Variants in ATE1 observed in about 807,000 individuals in gnomAD.
ATE1 encodes the protein arginyl-tRNA--protein transferase 1.
Under a neutral mutation model 70.5 loss-of-function variants are expected in ATE1, and 36 were observed. The ratio of observed to expected loss-of-function variants is 0.51; its 90% CI spans 0.39 to 0.67. The LOEUF is 0.67. Among genes scored for constraint, ATE1 ranks in the 30% least tolerant of loss-of-function variants. The pLI is 0.00. For missense variants in ATE1, 593 were observed against 629.5 expected, an observed-to-expected ratio of 0.94 and a Z score of 0.62; for synonymous variants, 232 against 219.3, an observed-to-expected ratio of 1.06 and a Z score of -0.51.
chr10:121,887,429 G>A (rs1950438602), intron 7 of ATE1, among the ~76,000 whole-genome samples: 2 of 152,142 alleles, frequency 1.3e-5, no homozygotes, highest in African/African-American at 4.8e-5. Flanking sequence ...AACATTACAG[G>A]CTGGGCACAA....
intron 7 of ATE1, among the ~76,000 whole-genome samples, chr10:121,889,425 T>C (rs1375695783): frequency 6.6e-6 from 1 of 152,126 alleles, no homozygotes; most frequent in Non-Finnish European, 1.5e-5. Flanking sequence ...AGAACAGTCA[T>C]AAACATAACA....
At chr10:121,902,684 C>A in intron 5 of ATE1, 64 bp from the exon 6 acceptor site, 2 of 1,449,428 alleles carry the variant, frequency 1.4e-6, no homozygotes, top group South Asian at 2.6e-5. Flanking sequence ...TTTCACATGT[C>A]TCAAAGATTC....
At chr10:121,897,922 C>T (rs536081002) in intron 7 of ATE1, among the ~76,000 whole-genome samples, 1 of 152,134 alleles carries the variant, frequency 6.6e-6, no homozygotes, top group African/African-American at 2.4e-5. Context: ...ACACTTTAAC[C>T]AGAAGACTCT....
At chr10:121,791,847 C>T (rs1206902393) in intron 10 of ATE1, among the ~76,000 whole-genome samples, 1 of 152,146 alleles carries the variant, frequency 6.6e-6, no homozygotes, top group African/African-American at 2.4e-5. Context: ...TGAGTTACAC[C>T]ATAGAGTTTG....
At chr10:121,811,577 C>T (rs1488436359) in intron 10 of ATE1, among the ~76,000 whole-genome samples, 2 of 152,160 alleles carry the variant, frequency 1.3e-5, no homozygotes, top group East Asian at 1.9e-4. Context: ...GGGAATGTGA[C>T]GTTTCCAAAG....
intron 10 of ATE1, among the ~76,000 whole-genome samples, chr10:121,806,106 A>G (rs189837599): frequency 6.4e-4 from 98 of 152,344 alleles, no homozygotes; most frequent in African/African-American, 2.1e-3. Flanking sequence ...AAACTCTTCA[A>G]AACTGTTGAT....
chr10:121,798,941 T>C (rs1946767570), intron 10 of ATE1, among the ~76,000 whole-genome samples: 1 of 130,590 alleles, frequency 7.7e-6, no homozygotes, highest in East Asian at 2.2e-4. Context: ...ACATTACTTC[T>C]ACTGTATAGA....
chr10:121,819,141 G>A (rs1421721502), intron 10 of ATE1, among the ~76,000 whole-genome samples: 4 of 152,250 alleles, frequency 2.6e-5, no homozygotes, highest in East Asian at 1.9e-4. Context: ...TCATTAACTT[G>A]AAAATCACAC....
intron 10 of ATE1, among the ~76,000 whole-genome samples, chr10:121,831,540 C>G (rs1451053725): frequency 6.6e-6 from 1 of 152,128 alleles, no homozygotes; most frequent in Non-Finnish European, 1.5e-5. Flanking sequence ...TTCCTCCTGT[C>G]CTTTCTTTTG....
At chr10:121,766,712 C>CA (rs746584054) in intron 11 of ATE1, among the ~76,000 whole-genome samples, 41 of 152,150 alleles carry the variant, frequency 2.7e-4, no homozygotes, top group Non-Finnish European at 4.7e-4. Context: ...ACAATAATCT[C>CA]AAAAAACACA....
chr10:121,924,907 C>A (rs546019895), intron 1 of ATE1, among the ~76,000 whole-genome samples: 6 of 152,110 alleles, frequency 3.9e-5, no homozygotes, highest in Non-Finnish European at 8.8e-5. Context: ...TCTATGACAG[C>A]ATAAATTTAA....
chr10:121,866,451 C>G (rs1405918053), intron 8 of ATE1, among the ~76,000 whole-genome samples: 2 of 152,148 alleles, frequency 1.3e-5, no homozygotes, highest in Non-Finnish European at 2.9e-5. Context: ...CAGAAACAGA[C>G]AGAAATTATC....
In ATE1 at chr10:121,902,855, C is replaced by G. The variant is rs561190261; in HGVS notation, c.584-235G>C. On this transcript the variant is annotated intron_variant, in intron 5 of 11. Coordinates refer to ENST00000224652, the MANE Select transcript of ATE1 (RefSeq NM_001001976.3). ...CAGAAACTTTCCAAGGTGGCTCTTA[C>G]TGCTGAAAATCTTTTTTTTCTTTTT... Among the ~76,000 whole-genome samples, 423 of 152,132 alleles carry G rather than the reference C, an allele frequency of 2.8e-3. 3 individuals carry two copies. The highest frequency in any genetic ancestry group is 4.9e-3 in the Non-Finnish European group (331 of 67,992).
At position 121,841,111 on chromosome 10, in the gene ATE1, A is replaced by C; in HGVS notation, c.1128T>G (p.Phe376Leu). Residue 376 changes from phenylalanine (F) to leucine (L), a missense_variant, in exon 9 of 12, where the codon TTT becomes TTG. Physicochemically the swap from Phe to Leu is conservative, Grantham distance 22. This residue lies in a region of ATE1 where 467 missense variants were observed against 469.6 expected (regional missense o/e 0.99). Transcript: ENST00000224652. ...GTGCAGAGTAGACGCCCAAAGACAA[A>C]AACGAATAATCAGGATCGTAGTACA... The part of the protein sequence containing the change: ...VYLYYDPDYS[F>L]LSLGVYSALR... The C allele has an allele frequency of 6.4e-7, 1 of 1,574,770 alleles. No individual in the cohort carries two copies. Among genetic ancestry groups the C allele is most frequent in the Non-Finnish European group, 8.6e-7 (1 of 1,156,280 alleles).
chr10:121,791,699 A>G (rs903772895), intron 10 of ATE1, among the ~76,000 whole-genome samples: 1 of 152,210 alleles, frequency 6.6e-6, no homozygotes, highest in African/African-American at 2.4e-5. Context: ...CAGCCTAGTA[A>G]ACATATTTGC....
At chr10:121,837,316 C>T (rs755018132) in intron 9 of ATE1, among the ~76,000 whole-genome samples, 7 of 152,188 alleles carry the variant, frequency 4.6e-5, no homozygotes, top group Non-Finnish European at 8.8e-5. Context: ...TTTATTTCCC[C>T]TAAAACTAGA....
In ATE1 at chr10:121,763,802, C is replaced by T. The variant is rs896701647; in HGVS notation, c.1379-19944G>A. ...GCTGAGGTGGGCAGATCACTTGAGG[C>T]CAGGAGTTTGAGACCAGCCTGGCCA... On this transcript the variant is annotated intron_variant, in intron 11 of 11. Coordinates refer to ENST00000224652, the MANE Select transcript of ATE1 (RefSeq NM_001001976.3). Among the ~76,000 whole-genome samples, 6 of 152,176 alleles carry T rather than the reference C, an allele frequency of 3.9e-5. No homozygotes were observed. The East Asian group carries it at 1.2e-3, about 29-fold the overall frequency.
At position 121,899,529 on chromosome 10, in the gene ATE1, T is replaced by TA. The variant is rs1950899928; in HGVS notation, c.942+336dup. On this transcript the variant is annotated intron_variant, in intron 7 of 11. Transcript: ENST00000224652. ...TTAAAATCATGTTAGGCAAAGTACG[T>TA]ATCTACCATAAAAATATAGTTTCCT... Among the ~76,000 whole-genome samples the TA allele has an allele frequency of 2.0e-5, 3 of 152,258 alleles. No individual in the cohort carries two copies. In the South Asian group the frequency reaches 6.2e-4, roughly 32 times the overall value.
chr10:121,799,133 T>A (rs1006886303), intron 10 of ATE1, among the ~76,000 whole-genome samples: 2 of 152,088 alleles, frequency 1.3e-5, no homozygotes, highest in African/African-American at 4.8e-5. Context: ...CCGCTTGACA[T>A]CAAGGAGGAA....
Sources: gnomAD v4.1 joint callset for allele counts (sites outside exome capture counted in the v4.1 genomes callset) on GRCh38, gnomAD v4.1.1 for gene constraint, gnomAD v4.1.1 regional missense constraint, MANE v1.5 for transcripts, NCBI Gene and HGNC (gene_info 2026-07-23, HGNC 2026-07-21) for gene names.